Variants in FBN1 observed in about 807,000 individuals in gnomAD.
FBN1 encodes fibrillin 1.
In FBN1, 29 loss-of-function variants were observed where a neutral mutation model predicts 365.1. The ratio of observed to expected loss-of-function variants is 0.08; its 90% CI spans 0.06 to 0.11. The LOEUF (loss-of-function observed/expected upper bound fraction) is 0.11, where lower values mean the gene tolerates loss of function less well. Ranked by LOEUF, FBN1 falls within the 10% of genes least tolerant of loss-of-function variation. The pLI is 1.00. For synonymous variants in FBN1, 1,210 were observed against 1,270.5 expected, an observed-to-expected ratio of 0.95 and a Z score of 1.01; for missense variants, 2,476 against 3,703.2, an observed-to-expected ratio of 0.67 and a Z score of 8.60.
Position 48,415,652 on chromosome 15 carries a change from T to C in FBN1, c.7935A>G (p.Gly2645=), listed in dbSNP as rs778534209. The change falls in exon 64 of 66, where the codon GGA becomes GGG. Residue 2645 remains glycine (G), a synonymous_variant. Coordinates refer to ENST00000316623, the MANE Select transcript of FBN1 (RefSeq NM_000138.5). ...AGCCACATTCATTGATGTCTTGGCA[T>C]CCTCCACTGAACTGTTCATACTGGA... The part of the protein sequence containing the change: ...AGFQYEQFSG[G]CQDINECGSA... 1.2e-6 allele frequency: 2 copies of C among 1,614,194 alleles called. No individual in the cohort carries two copies. The highest frequency in any genetic ancestry group is 8.5e-7 in the Non-Finnish European group (1 of 1,180,014).
At chr15:48,551,974 A>G (rs1049482575) in intron 6 of FBN1, among the ~76,000 whole-genome samples, 50 of 152,264 alleles carry the variant, frequency 3.3e-4, no homozygotes, top group African/African-American at 1.1e-3. Context: ...ATACACATGC[A>G]TGTGTCTTTA....
intron 49 of FBN1, among the ~76,000 whole-genome samples, chr15:48,442,463 A>G (rs1213932805): frequency 6.6e-6 from 1 of 152,256 alleles, no homozygotes; most frequent in East Asian, 1.9e-4. Context: ...TGAAGACACA[A>G]AAATACCTTT....
Position 48,600,164 on chromosome 15 carries a change from T to A in FBN1, c.417A>T (p.Gly139=), listed in dbSNP as rs1328184367. 6.2e-7 allele frequency: 1 copy of A among 1,613,466 alleles called. No individual in the cohort carries two copies. The highest frequency in any genetic ancestry group is 8.5e-7 in the Non-Finnish European group (1 of 1,179,548). The part of the protein sequence containing the change: ...CSDDHCLCQK[G]YIGTHCGQPV... ...GTTGTCCACAGTGAGTCCCTATGTATCCTTTCTGGCATAGACAGTGATCGT... is the reference window on the plus strand; with the variant it reads ...GTTGTCCACAGTGAGTCCCTATGTAACCTTTCTGGCATAGACAGTGATCGT... Residue 139 remains glycine, a synonymous_variant, in exon 5 of 66, where the codon GGA becomes GGT. Coordinates refer to ENST00000316623, the MANE Select transcript of FBN1 (RefSeq NM_000138.5).
At chr15:48,454,988 A>G (rs113263194) in intron 44 of FBN1, among the ~76,000 whole-genome samples, 2 of 152,352 alleles carry the variant, frequency 1.3e-5, no homozygotes, top group African/African-American at 4.8e-5. Context: ...AAGCACTTCT[A>G]TGATGTGGCA....
intron 31 of FBN1, among the ~76,000 whole-genome samples, chr15:48,482,678 C>T (rs1231747362): frequency 6.6e-6 from 1 of 152,168 alleles, no homozygotes; most frequent in Admixed American, 6.5e-5. Context: ...CAGAAGAAAG[C>T]AATGCCAGAG....
intron 4 of FBN1, 50 bp from the exon 5 acceptor site, chr15:48,600,284 T>G (rs1387292277): frequency 1.5e-6 from 2 of 1,306,298 alleles, no homozygotes; most frequent in African/African-American, 1.5e-5. Context: ...ATGCATAGAT[T>G]GCAACAGCTC....
At chr15:48,531,267 T>A (rs866908517) in intron 8 of FBN1, among the ~76,000 whole-genome samples, 4 of 151,120 alleles carry the variant, frequency 2.6e-5, no homozygotes, top group African/African-American at 9.7e-5. Flanking sequence ...TAACATTTCT[T>A]TTTTTTTTAG....
intron 4 of FBN1, among the ~76,000 whole-genome samples, chr15:48,606,716 T>C (rs955042514): frequency 1.2e-4 from 18 of 152,358 alleles, no homozygotes; most frequent in African/African-American, 3.6e-4. Flanking sequence ...TCTTGCAAGA[T>C]GTCACAATGG....
intron 50 of FBN1, among the ~76,000 whole-genome samples, chr15:48,440,269 C>A (rs960758865): frequency 1.3e-5 from 2 of 152,176 alleles, no homozygotes; most frequent in Non-Finnish European, 2.9e-5. Flanking sequence ...CTGGCTCTGC[C>A]TCCTGGAGCT....
chr15:48,526,695 C>A lies in FBN1; in HGVS notation c.863-440G>T, dbSNP rs2043917922. Reference sequence around the variant, plus strand: ...TTTTCCACAACGCGGATACTGGAATCCTACAGAAGAGATCTTGTGGTCTGA... The same window carrying A: ...TTTTCCACAACGCGGATACTGGAATACTACAGAAGAGATCTTGTGGTCTGA... On this transcript the variant is annotated intron_variant, in intron 8 of 65. Transcript: ENST00000316623. Among the ~76,000 whole-genome samples the A allele has an allele frequency of 1.3e-5, 2 of 152,164 alleles. 1 individual carries two copies. The highest frequency in any genetic ancestry group is 4.2e-4 in the South Asian group (2 of 4,818).
intron 65 of FBN1, among the ~76,000 whole-genome samples, chr15:48,411,892 A>G (rs1226560241): frequency 1.3e-5 from 2 of 152,242 alleles, no homozygotes; most frequent in Admixed American, 1.3e-4. Flanking sequence ...GACTATTTCA[A>G]TTTGATTCAT....
intron 2 of FBN1, among the ~76,000 whole-genome samples, chr15:48,627,127 C>T (rs1169015092): frequency 2.6e-4 from 40 of 152,128 alleles, no homozygotes; most frequent in Admixed American, 2.6e-3. Context: ...CATAAATACT[C>T]CAAAGAGAAT....
intron 5 of FBN1, among the ~76,000 whole-genome samples, chr15:48,598,779 T>A (rs952530120): frequency 6.6e-6 from 1 of 152,210 alleles, no homozygotes; most frequent in African/African-American, 2.4e-5. Context: ...ACCAATATTC[T>A]TCTCCCACTG....
At chr15:48,428,976 G>A (rs1051723288) in intron 56 of FBN1, among the ~76,000 whole-genome samples, 1 of 152,174 alleles carries the variant, frequency 6.6e-6, no homozygotes, top group Non-Finnish European at 1.5e-5. Context: ...TCCTTCCAGA[G>A]CTGGATTATG....
In FBN1 at chr15:48,485,920, C is replaced by T. The variant is rs540220061; in HGVS notation, c.3590-424G>A. Reference sequence around the variant, plus strand: ...ATGGCACATTTTTAACATTTCCAGGCATACGTCAAATAAAGGGGAAAAAGC... The same window carrying T: ...ATGGCACATTTTTAACATTTCCAGGTATACGTCAAATAAAGGGGAAAAAGC... On this transcript the variant is annotated intron_variant, in intron 29 of 65. Coordinates refer to ENST00000316623, the MANE Select transcript of FBN1 (RefSeq NM_000138.5). 2.0e-5 allele frequency among the ~76,000 whole-genome samples: 3 copies of T among 152,302 alleles called. No individual in the cohort carries two copies. The East Asian group carries it at 5.8e-4, about 29-fold the overall frequency.
intron 56 of FBN1, among the ~76,000 whole-genome samples, chr15:48,430,088 T>C (rs1248223144): frequency 6.6e-6 from 1 of 152,218 alleles, no homozygotes; most frequent in African/African-American, 2.4e-5. Context: ...TAAAACCTTA[T>C]TTATAAAAAC....
chr15:48,464,634 G>A (rs1003719657), intron 40 of FBN1, among the ~76,000 whole-genome samples: 3 of 152,242 alleles, frequency 2.0e-5, no homozygotes, highest in Admixed American at 1.3e-4. Context: ...ATCCTCAAAG[G>A]TAGGCAGAGA....
chr15:48,546,095 A>C (rs2141368022), intron 6 of FBN1, among the ~76,000 whole-genome samples: 1 of 152,352 alleles, frequency 6.6e-6, no homozygotes, highest in African/African-American at 2.4e-5. Flanking sequence ...GTAAAGGCCT[A>C]CATTTTACAA....
chr15:48,627,833 G>A (rs899197128), intron 2 of FBN1, among the ~76,000 whole-genome samples: 2 of 152,200 alleles, frequency 1.3e-5, no homozygotes, highest in African/African-American at 2.4e-5. Flanking sequence ...CAGCTCCAGG[G>A]AAGATGTCAC....
Sources: gnomAD v4.1 joint callset for allele counts (sites outside exome capture counted in the v4.1 genomes callset) on GRCh38, gnomAD v4.1.1 for gene constraint, MANE v1.5 for transcripts, NCBI Gene and HGNC (gene_info 2026-07-23, HGNC 2026-07-21) for gene names.